Variants in RPS6KA2 observed in about 807,000 individuals in gnomAD.
RPS6KA2 encodes ribosomal protein S6 kinase alpha-2.
In RPS6KA2, 42 loss-of-function variants were observed where a neutral mutation model predicts 91.8. The ratio of observed to expected loss-of-function variants is 0.46; its 90% CI spans 0.36 to 0.59. RPS6KA2 has a LOEUF of 0.59. Among genes scored for constraint, RPS6KA2 ranks in the 20% least tolerant of loss-of-function variants. The probability of loss-of-function intolerance (pLI) is 0.00; values close to 1 mark genes in which losing one functional copy is unlikely to be tolerated. For missense variants in RPS6KA2, 798 were observed against 978.5 expected (o/e 0.82, Z 2.46); for synonymous variants, 414 against 393.6 (o/e 1.05, Z -0.61).
exon 1 of RPS6KA2, chr6:166,862,458 G>T (rs1215905870): frequency 8.8e-7 from 1 of 1,139,484 alleles, no homozygotes; most frequent in Admixed American, 3.3e-5. Context: ...CTTCCCGCTC[G>T]GGCTGGGGCG....
At chr6:166,546,742 TGTGA>T (rs1283219845) in intron 1 of RPS6KA2, among the ~76,000 whole-genome samples, 1 of 152,172 alleles carries the variant, frequency 6.6e-6, no homozygotes, top group Non-Finnish European at 1.5e-5. Context: ...ATGTGTCCAA[TGTGA>T]TCTCCTCATT....
At chr6:166,830,737 A>G (rs1263378575) in intron 2 of RPS6KA2, among the ~76,000 whole-genome samples, 1 of 152,046 alleles carries the variant, frequency 6.6e-6, no homozygotes, top group African/African-American at 2.4e-5. Context: ...GTCCTCTCAG[A>G]CCCAGATCTG....
intron 2 of RPS6KA2, among the ~76,000 whole-genome samples, chr6:166,791,687 A>T (rs1367993343): frequency 6.6e-6 from 1 of 151,996 alleles, no homozygotes. Context: ...AGTGCAATCA[A>T]ACTAGAACTC....
chr6:166,499,341 G>A (rs779925474), intron 7 of RPS6KA2, among the ~76,000 whole-genome samples: 1 of 152,240 alleles, frequency 6.6e-6, no homozygotes, highest in Non-Finnish European at 1.5e-5. Context: ...GGGTAGAGCA[G>A]CAGTGCCCAG....
intron 9 of RPS6KA2, among the ~76,000 whole-genome samples, chr6:166,489,850 T>C (rs867300414): frequency 1.3e-5 from 2 of 152,084 alleles, no homozygotes; most frequent in Non-Finnish European, 1.5e-5. Flanking sequence ...CTCAATTTTA[T>C]AAAAGTTATG....
rs1583096705 is a variant in RPS6KA2 at position 166,412,554 on chromosome 6, G to A, written c.*208C>T. ...GTTTCGCTTGGGAGAAAAGAGAGCG[G>A]GCGGGGAGGCTGGCGCAGTGAGGCT... On this transcript the variant is annotated 3_prime_UTR_variant, in exon 21 of 21. Transcript: ENST00000265678. This position sits in a 1 kb window ranked among gnomAD's most constrained non-coding sequence, Gnocchi z 4.3. 1 of 472,940 alleles carries A rather than the reference G, an allele frequency of 2.1e-6. No individual in the cohort carries two copies. Among genetic ancestry groups the A allele is most frequent in the East Asian group, 3.6e-5 (1 of 28,006 alleles). The allele number at this position is 472,940 out of a possible 1,614,324, so 29.3% of individuals were successfully genotyped here. A position where few individuals can be genotyped will look rare whatever the true frequency, so the allele number is the denominator to read the frequency against.
At chr6:166,796,050 A>G (rs1779214505) in intron 2 of RPS6KA2, among the ~76,000 whole-genome samples, 1 of 151,818 alleles carries the variant, frequency 6.6e-6, no homozygotes. Flanking sequence ...AGCTTTTCTT[A>G]TCTGACCAGC....
chr6:166,839,700 GAGGA>G (rs1780416169), intron 2 of RPS6KA2, among the ~76,000 whole-genome samples: 1 of 123,938 alleles, frequency 8.1e-6, no homozygotes, highest in African/African-American at 3.1e-5. Context: ...GAGGGGAGGA[GAGGA>G]GAGGAGAGGA....
At chr6:166,580,911 T>C (rs1784988637) in intron 1 of RPS6KA2, among the ~76,000 whole-genome samples, 1 of 152,128 alleles carries the variant, frequency 6.6e-6, no homozygotes, top group African/African-American at 2.4e-5. Context: ...TCTTTTCTTT[T>C]CTTTTTTTGA....
In RPS6KA2 at chr6:166,448,785, C is replaced by A. The variant is rs755127089; in HGVS notation, c.1271G>T (p.Gly424Val). 8 of 1,613,664 alleles carry A rather than the reference C, an allele frequency of 5.0e-6. No individual in the cohort carries two copies. The highest frequency in any genetic ancestry group is 6.8e-6 in the Non-Finnish European group (8 of 1,179,900). Reference sequence around the variant, plus strand: ...ACATCGCTTGCACACTGAGTAGGAGCCCACCCCGATGTCCTCCTTGATCTC... The same window carrying A: ...ACATCGCTTGCACACTGAGTAGGAGACCACCCCGATGTCCTCCTTGATCTC... ...GYEIKEDIGVGSYSVCKRCVH... is the reference protein window; with the variant it reads ...GYEIKEDIGVVSYSVCKRCVH... The change falls in exon 14 of 21, where the codon GGC becomes GTC. Residue 424 changes from glycine to valine, a missense_variant. Physicochemically the swap from Gly to Val is moderately radical, Grantham distance 109. Coordinates refer to ENST00000265678, the MANE Select transcript of RPS6KA2 (RefSeq NM_021135.6). The surrounding 1 kb of genome is among the most constrained non-coding windows in gnomAD (Gnocchi z 4.7).
At chr6:166,701,606 G>C in intron 2 of RPS6KA2, 1 of 1,326,940 alleles carries the variant, frequency 7.5e-7, no homozygotes, top group Non-Finnish European at 1.1e-6. Context: ...ATAAACAGAT[G>C]AACAGTCTCG....
rs1790590284 is a variant in RPS6KA2 at position 166,733,406 on chromosome 6, TC to T, written c.123+124793del. On this transcript the variant is annotated intron_variant, in intron 2 of 21. Transcript: ENST00000503859. The surrounding 1 kb of genome is among the most constrained non-coding windows in gnomAD (Gnocchi z 4.1). ...ATTGGAATGTTCTTTTGCATTGTCG[TC>T]CAGGAAATTTAGAGGCCAACGAGGG... is the stretch of plus-strand genomic sequence containing the variant. 6.6e-6 allele frequency among the ~76,000 whole-genome samples: 1 copy of T among 152,168 alleles called. No individual in the cohort carries two copies. Among genetic ancestry groups the T allele is most frequent in the African/African-American group, 2.4e-5 (1 of 41,438 alleles).
intron 3 of RPS6KA2, among the ~76,000 whole-genome samples, chr6:166,526,432 A>T (rs6903487): frequency 1.4e-5 from 2 of 142,560 alleles, no homozygotes; most frequent in African/African-American, 2.6e-5. Context: ...TGAAGCCTTG[A>T]GATCTTGGGC....
Position 166,466,882 on chromosome 6 carries a change from ACTCATTCACTCACTCC to A in RPS6KA2, c.972+2943_972+2958del, listed in dbSNP as rs374269065. On this transcript the variant is annotated intron_variant, in intron 11 of 20. Coordinates refer to ENST00000265678, the MANE Select transcript of RPS6KA2 (RefSeq NM_021135.6). ...GACTCCCTTACTCATTCACTCACTC[ACTCATTCACTCACTCC>A]CTCATTCACTCATTCCTTCACTCAC... Among the ~76,000 whole-genome samples, 491 of 77,492 alleles carry A rather than the reference ACTCATTCACTCACTCC, an allele frequency of 6.3e-3. 2 individuals carry two copies. The highest frequency in any genetic ancestry group is 0.014 in the Middle Eastern group (2 of 142). The allele number at this position is 77,492 out of a possible 152,430, so 50.8% of individuals were successfully genotyped here.
At chr6:166,824,112 T>C (rs1779974760) in intron 2 of RPS6KA2, among the ~76,000 whole-genome samples, 1 of 152,194 alleles carries the variant, frequency 6.6e-6, no homozygotes. Flanking sequence ...CATGTGAATA[T>C]ACATGCTTGT....
intron 2 of RPS6KA2, among the ~76,000 whole-genome samples, chr6:166,799,932 G>A (rs575057798): frequency 6.6e-6 from 1 of 152,256 alleles, no homozygotes; most frequent in South Asian, 2.1e-4. Flanking sequence ...CAAGTCCCCA[G>A]TAACAGGTCA....
rs146068110 is a variant in RPS6KA2, at chr6:166,757,409, C to T, written c.123+100791G>A. On this transcript the variant is annotated intron_variant, in intron 2 of 21. Transcript: ENST00000503859. ...GTTCATGATCTGTGAGATTCCACTCCGCCCAGAAAACAGCTTGCCCCTGGC... is the reference window on the plus strand; with the variant it reads ...GTTCATGATCTGTGAGATTCCACTCTGCCCAGAAAACAGCTTGCCCCTGGC... 20 of 423,032 alleles carry T rather than the reference C, an allele frequency of 4.7e-5. No homozygotes were observed. The East Asian group carries it at 8.0e-4, about 17-fold the overall frequency. The allele number at this position is 423,032 out of a possible 1,614,324, so 26.2% of individuals were successfully genotyped here.
At chr6:166,650,685 G>A (rs900905809) in intron 2 of RPS6KA2, among the ~76,000 whole-genome samples, 3 of 152,190 alleles carry the variant, frequency 2.0e-5, no homozygotes, top group Non-Finnish European at 1.5e-5. Context: ...CCAAGTAGGT[G>A]GCATTCTGCT....
At chr6:166,587,942 A>G (rs1785235417) in intron 1 of RPS6KA2, among the ~76,000 whole-genome samples, 1 of 152,224 alleles carries the variant, frequency 6.6e-6, no homozygotes, top group Non-Finnish European at 1.5e-5. Flanking sequence ...TCCAGCCACA[A>G]CAGTGAATTT....
Sources: allele counts gnomAD v4.1 joint callset (sites outside exome capture counted in the v4.1 genomes callset), GRCh38; gene constraint gnomAD v4.1.1; non-coding constraint Gnocchi (gnomAD v3.1); transcripts MANE v1.5; gene names NCBI Gene and HGNC (gene_info 2026-07-23, HGNC 2026-07-21).